The following CUX2 variants were observed in gnomAD, a reference collection of about 807,000 sequenced individuals.
CUX2 encodes cut like homeobox 2.
A neutral mutation model predicts 144.8 loss-of-function variants in CUX2; 40 were observed. That is an observed-to-expected ratio of 0.28 (90% CI 0.21 to 0.36). The LOEUF (loss-of-function observed/expected upper bound fraction) is 0.36. Among genes scored for constraint, CUX2 ranks in the 10% least tolerant of loss-of-function variants. The pLI is 1.00. For missense variants in CUX2, 1,615 were observed against 1,994.0 expected, an observed-to-expected ratio of 0.81 and a Z score of 3.62; for synonymous variants, 827 against 875.6, an observed-to-expected ratio of 0.94 and a Z score of 0.98.
At chr12:111,257,092 G>A (rs145071885) in intron 3 of CUX2, among the ~76,000 whole-genome samples, 5 of 152,216 alleles carry the variant, frequency 3.3e-5, no homozygotes, top group East Asian at 1.9e-4. Context: ...GTCACCCCTC[G>A]TATCACAGTG....
At chr12:111,046,514 AG>A (rs1870000972) in intron 1 of CUX2, among the ~76,000 whole-genome samples, 2 of 152,198 alleles carry the variant, frequency 1.3e-5, no homozygotes, top group South Asian at 4.2e-4. Context: ...CCCAAGACCC[AG>A]GGCTGTTGGC....
At chr12:111,192,370 T>A (rs1879945864) in intron 1 of CUX2, among the ~76,000 whole-genome samples, 1 of 152,052 alleles carries the variant, frequency 6.6e-6, no homozygotes, top group Admixed American at 6.6e-5. Flanking sequence ...CCTCAAGTGA[T>A]CCTCCCACCT....
chr12:111,141,756 A>G (rs1303305457), intron 1 of CUX2, among the ~76,000 whole-genome samples: 1 of 152,192 alleles, frequency 6.6e-6, no homozygotes, highest in Admixed American at 6.5e-5. Flanking sequence ...GCACCCAGTA[A>G]ATATTTGCTA....
chr12:111,058,562 A>G (rs1282721053), intron 1 of CUX2, among the ~76,000 whole-genome samples: 1 of 149,140 alleles, frequency 6.7e-6, no homozygotes, highest in Non-Finnish European at 1.5e-5. Flanking sequence ...AGAGAGAGAG[A>G]GAGAGACAGA....
intron 1 of CUX2, among the ~76,000 whole-genome samples, chr12:111,199,924 G>A (rs147419195): frequency 4.7e-4 from 71 of 152,174 alleles, no homozygotes; most frequent in Non-Finnish European, 7.8e-4. Flanking sequence ...GAAAAAGCCC[G>A]CAGGAAGGCT....
At chr12:111,113,136 A>C (rs1227477599) in intron 1 of CUX2, among the ~76,000 whole-genome samples, 1 of 152,054 alleles carries the variant, frequency 6.6e-6, no homozygotes, top group African/African-American at 2.4e-5. Context: ...AAGTTAATAG[A>C]GTAGGAGTGA....
intron 4 of CUX2, among the ~76,000 whole-genome samples, chr12:111,269,701 G>T (rs757074827): frequency 2.0e-5 from 3 of 152,218 alleles, no homozygotes; most frequent in African/African-American, 4.8e-5. Flanking sequence ...CATCTTTCTG[G>T]AGAGAAGACT....
intron 1 of CUX2, among the ~76,000 whole-genome samples, chr12:111,086,229 G>A (rs1872208461): frequency 6.6e-6 from 1 of 152,178 alleles, no homozygotes; most frequent in African/African-American, 2.4e-5. Flanking sequence ...ATTATATCAT[G>A]GTAGTATCAC....
chr12:111,323,804 C>A (rs1181670870), intron 18 of CUX2, among the ~76,000 whole-genome samples: 4 of 152,150 alleles, frequency 2.6e-5, no homozygotes, highest in Admixed American at 2.6e-4. Context: ...CGCCTGTAAT[C>A]CCAATACTTT....
chr12:111,091,948 T>C (rs557774316), intron 1 of CUX2, among the ~76,000 whole-genome samples: 3 of 152,334 alleles, frequency 2.0e-5, no homozygotes, highest in South Asian at 2.1e-4. Context: ...CATCTTAACA[T>C]AACTGATTAA....
chr12:111,347,721 C>A lies in CUX2; in HGVS notation c.3857C>A (p.Thr1286Lys), dbSNP rs2136459336. Residue 1286 changes from threonine to lysine, a missense_variant, in exon 22 of 22, where the codon ACA becomes AAA. Physicochemically the swap from Thr to Lys is moderately conservative, Grantham distance 78. Transcript: ENST00000261726. The part of the protein sequence containing the change: ...ELQEGPEENS[T>K]PLTTQDKAQV... ...CAGGAGGGCCCTGAGGAGAACAGCA[C>A]ACCCCTGACCACCCAGGACAAGGCC... is the stretch of plus-strand genomic sequence containing the variant. 1 of 1,613,762 alleles carries A rather than the reference C, an allele frequency of 6.2e-7. No individual in the cohort carries two copies. The highest frequency in any genetic ancestry group is 8.5e-7 in the Non-Finnish European group (1 of 1,179,978).
chr12:111,237,269 C>T (rs942862981), intron 3 of CUX2, among the ~76,000 whole-genome samples: 2 of 152,210 alleles, frequency 1.3e-5, no homozygotes, highest in African/African-American at 2.4e-5. Context: ...TCCCAGGTAG[C>T]GAGCTGCTGT....
intron 1 of CUX2, among the ~76,000 whole-genome samples, chr12:111,048,877 C>T (rs12318539): frequency 0.025 from 3,778 of 152,096 alleles, 153 homozygotes; most frequent in African/African-American, 0.086. Context: ...AACTTTTTCA[C>T]CTTTTAGTTT....
intron 1 of CUX2, among the ~76,000 whole-genome samples, chr12:111,113,881 C>T (rs980851268): frequency 6.6e-6 from 1 of 152,192 alleles, no homozygotes; most frequent in African/African-American, 2.4e-5. Flanking sequence ...TAGCATAACA[C>T]ATTTGGGATT....
intron 2 of CUX2, among the ~76,000 whole-genome samples, chr12:111,216,723 C>CGAGGCTACTAGGGTG (rs1192119304): frequency 2.6e-5 from 4 of 152,194 alleles, no homozygotes; most frequent in Non-Finnish European, 5.9e-5. Flanking sequence ...GCACCCATGG[C>CGAGGCTACTAGGGTG]CCCTTATGGT....
intron 1 of CUX2, among the ~76,000 whole-genome samples, chr12:111,060,854 C>T (rs934285687): frequency 5.9e-5 from 9 of 152,326 alleles, no homozygotes; most frequent in South Asian, 4.1e-4. Context: ...GAAGCAGAAA[C>T]GGAAGCCTTA....
At chr12:111,065,280 T>G (rs1340547099) in intron 1 of CUX2, among the ~76,000 whole-genome samples, 1 of 152,278 alleles carries the variant, frequency 6.6e-6, no homozygotes, top group African/African-American at 2.4e-5. Flanking sequence ...GGGGCTGGAT[T>G]TGACCCAGGG....
At chr12:111,253,027 G>A (rs751204777) in intron 3 of CUX2, among the ~76,000 whole-genome samples, 1 of 151,720 alleles carries the variant, frequency 6.6e-6, no homozygotes, top group Non-Finnish European at 1.5e-5. Flanking sequence ...CCTGTGGCTC[G>A]ACCTTCACAA....
intron 1 of CUX2, among the ~76,000 whole-genome samples, chr12:111,053,182 T>C (rs1226924461): frequency 6.6e-6 from 1 of 152,192 alleles, no homozygotes; most frequent in Non-Finnish European, 1.5e-5. Context: ...TGAGCGCCTG[T>C]ACATGCAGGG....
Sources: allele counts gnomAD v4.1 joint callset (sites outside exome capture counted in the v4.1 genomes callset), GRCh38; gene constraint gnomAD v4.1.1; transcripts MANE v1.5; gene names NCBI Gene and HGNC (gene_info 2026-07-23, HGNC 2026-07-21).